The following IGFBP7 variants were observed in gnomAD, a reference collection of about 807,000 sequenced individuals.
The protein encoded by IGFBP7 is insulin-like growth factor-binding protein 7.
A neutral mutation model predicts 29.4 loss-of-function variants in IGFBP7; 31 were observed. The observed-to-expected ratio is 1.05, with a 90% confidence interval of 0.79 to 1.42. The LOEUF (loss-of-function observed/expected upper bound fraction) is 1.42. IGFBP7 is among the 40% of genes most tolerant of loss of function. The pLI, the probability that IGFBP7 is intolerant of heterozygous loss-of-function variation, is 0.00. For missense variants in IGFBP7, 393 were observed against 395.5 expected, an observed-to-expected ratio of 0.99 and a Z score of 0.05; for synonymous variants, 172 against 174.9, an observed-to-expected ratio of 0.98 and a Z score of 0.13.
chr4:57,105,843 G>T (rs2109808124), intron 1 of IGFBP7, among the ~76,000 whole-genome samples: 1 of 152,086 alleles, frequency 6.6e-6, no homozygotes, highest in Non-Finnish European at 1.5e-5. Flanking sequence ...GGGAAAGTCA[G>T]AATGCTTCTC....
intron 1 of IGFBP7, among the ~76,000 whole-genome samples, chr4:57,059,082 T>C (rs1439169900): frequency 6.6e-6 from 1 of 152,078 alleles, no homozygotes; most frequent in South Asian, 2.1e-4. Flanking sequence ...TATTATTAAA[T>C]AGTCAAAAAA....
At chr4:57,101,018 G>A (rs982238531) in intron 1 of IGFBP7, among the ~76,000 whole-genome samples, 16 of 152,318 alleles carry the variant, frequency 1.1e-4, no homozygotes, top group South Asian at 4.1e-4. Context: ...ACAAATACCC[G>A]TTGCAGATGC....
intron 2 of IGFBP7, among the ~76,000 whole-genome samples, chr4:57,033,816 A>G (rs935535070): frequency 7.2e-5 from 11 of 152,118 alleles, no homozygotes; most frequent in African/African-American, 2.7e-4. Flanking sequence ...TTTACTGAAC[A>G]CCTAAGATAA....
chr4:57,066,649 C>T (rs1022305577), intron 1 of IGFBP7, among the ~76,000 whole-genome samples: 25 of 151,212 alleles, frequency 1.7e-4, no homozygotes, highest in Admixed American at 1.3e-3. Context: ...CTGCAACCTC[C>T]GCCTCTTGGG....
At chr4:57,084,788 G>GT (rs57704332) in intron 1 of IGFBP7, among the ~76,000 whole-genome samples, 7,038 of 112,964 alleles carry the variant, frequency 0.062, 511 homozygotes, top group African/African-American at 0.16. Flanking sequence ...TTTAAAAAAG[G>GT]TTTTTTTTTT....
chr4:57,091,929 T>C (rs1252442789), intron 1 of IGFBP7, among the ~76,000 whole-genome samples: 1 of 152,184 alleles, frequency 6.6e-6, no homozygotes, highest in African/African-American at 2.4e-5. Flanking sequence ...AGGAGGAGAA[T>C]AACAGCACAT....
At chr4:57,093,648 C>G (rs1454487169) in intron 1 of IGFBP7, among the ~76,000 whole-genome samples, 1 of 151,988 alleles carries the variant, frequency 6.6e-6, no homozygotes, top group East Asian at 1.9e-4. Flanking sequence ...TGCCAGGGAG[C>G]TAGGTAGAGT....
intron 1 of IGFBP7, among the ~76,000 whole-genome samples, chr4:57,062,326 A>G (rs914765167): frequency 2.6e-5 from 4 of 152,238 alleles, no homozygotes; most frequent in African/African-American, 9.7e-5. Context: ...AGTTATGTCT[A>G]CAAGCTACCA....
chr4:57,034,515 TA>T, intron 2 of IGFBP7, among the ~76,000 whole-genome samples: 1 of 152,026 alleles, frequency 6.6e-6, no homozygotes, highest in Middle Eastern at 3.5e-3. Flanking sequence ...CAAATCTTAA[TA>T]AAGACCAGAT....
At chr4:57,054,302 C>T (rs550989218) in intron 1 of IGFBP7, among the ~76,000 whole-genome samples, 4 of 132,180 alleles carry the variant, frequency 3.0e-5, no homozygotes, top group Admixed American at 7.2e-5. Flanking sequence ...GTAGGCCCTG[C>T]GCTGACTAAC....
chr4:57,041,759 G>A (rs997195344), intron 1 of IGFBP7, among the ~76,000 whole-genome samples: 9 of 151,924 alleles, frequency 5.9e-5, no homozygotes, highest in South Asian at 4.1e-4. Flanking sequence ...GGCTGGTCCC[G>A]AATTCCTGGC....
At chr4:57,055,876 G>C (rs999022320) in intron 1 of IGFBP7, among the ~76,000 whole-genome samples, 2 of 152,064 alleles carry the variant, frequency 1.3e-5, no homozygotes, top group Non-Finnish European at 2.9e-5. Flanking sequence ...GGCTTTAAGC[G>C]GGCAAGGAGG....
intron 1 of IGFBP7, among the ~76,000 whole-genome samples, chr4:57,103,259 C>G (rs919369386): frequency 1.3e-5 from 2 of 152,186 alleles, no homozygotes; most frequent in Non-Finnish European, 2.9e-5. Context: ...CAGCAGCCAA[C>G]AAAGCTTTTC....
chr4:57,040,796 G>T, intron 2 of IGFBP7, 28 bp downstream of exon 2: 1 of 1,418,484 alleles, frequency 7.0e-7, no homozygotes, highest in Non-Finnish European at 1.0e-6. Context: ...GTCAGCCTAG[G>T]ATGTCTCTTA....
In IGFBP7 at chr4:57,045,635, T is replaced by C. The variant is rs60654067; in HGVS notation, c.476-4702A>G. Reference sequence around the variant, plus strand: ...TTTCCAGTACTTTCTTCAGAGCTGATACCCAGTAGGATACCTATTTACTAA... The same window carrying C: ...TTTCCAGTACTTTCTTCAGAGCTGACACCCAGTAGGATACCTATTTACTAA... On this transcript the variant is annotated intron_variant, in intron 1 of 4. Transcript: ENST00000295666. Among the ~76,000 whole-genome samples, 503 of 152,294 alleles carry C rather than the reference T, an allele frequency of 3.3e-3. 2 individuals are homozygous for C. Among genetic ancestry groups the C allele is most frequent in the African/African-American group, 0.011 (477 of 41,552 alleles).
chr4:57,050,636 C>G (rs1233583451), intron 1 of IGFBP7, among the ~76,000 whole-genome samples: 1 of 151,992 alleles, frequency 6.6e-6, no homozygotes, highest in East Asian at 1.9e-4. Context: ...ACTCCAAACT[C>G]CTAGTCTCAT....
chr4:57,045,956 C>T (rs922992595), intron 1 of IGFBP7, among the ~76,000 whole-genome samples: 4 of 152,078 alleles, frequency 2.6e-5, no homozygotes, highest in African/African-American at 9.7e-5. Flanking sequence ...GAACCCCTGA[C>T]CTCAGGTGAT....
rs143783995 is a variant in IGFBP7 at position 57,067,533 on chromosome 4, G to A, written c.476-26600C>T. On this transcript the variant is annotated intron_variant, in intron 1 of 4. Transcript: ENST00000295666. ...AAGCAGACACAGAATGGTGGGTGCC[G>A]GGGGCTAGGGTAAGGGAGAAATGAG... is the stretch of plus-strand genomic sequence containing the variant. 2.7e-3 allele frequency among the ~76,000 whole-genome samples: 411 copies of A among 152,234 alleles called. 3 individuals are homozygous for A. Among genetic ancestry groups the A allele is most frequent in the African/African-American group, 8.8e-3 (366 of 41,520 alleles).
intron 1 of IGFBP7, among the ~76,000 whole-genome samples, chr4:57,082,638 T>C (rs1392167107): frequency 1.3e-5 from 2 of 152,238 alleles, no homozygotes; most frequent in African/African-American, 2.4e-5. Context: ...CAAAAGTGCA[T>C]GCTCACTGTA....
Sources: allele counts gnomAD v4.1 joint callset (sites outside exome capture counted in the v4.1 genomes callset), GRCh38; gene constraint gnomAD v4.1.1; transcripts MANE v1.5; gene names NCBI Gene and HGNC (gene_info 2026-07-23, HGNC 2026-07-21).